Variants in COPS4 observed in about 807,000 individuals in gnomAD.
The protein encoded by COPS4 is COP9 signalosome subunit 4.
A neutral mutation model predicts 55.1 loss-of-function variants in COPS4; 8 were observed. The ratio of observed to expected loss-of-function variants is 0.15; its 90% CI spans 0.09 to 0.26. The LOEUF (loss-of-function observed/expected upper bound fraction) is 0.26, where lower values mean the gene tolerates loss of function less well. COPS4 is among the 10% of genes least tolerant of loss of function. The probability of loss-of-function intolerance (pLI) is 1.00; values close to 1 mark genes in which losing one functional copy is unlikely to be tolerated. For synonymous variants in COPS4, 185 were observed against 165.7 expected (o/e 1.12, Z -0.90); for missense variants, 248 against 484.0 (o/e 0.51, Z 4.58).
intron 1 of COPS4, among the ~76,000 whole-genome samples, chr4:83,043,954 T>C (rs546803786): frequency 2.0e-5 from 3 of 152,284 alleles, no homozygotes; most frequent in South Asian, 2.1e-4. Flanking sequence ...ATAACCAAGG[T>C]TGTGAGAATT....
intron 1 of COPS4, among the ~76,000 whole-genome samples, chr4:83,036,210 G>A (rs1269759517): frequency 3.4e-5 from 5 of 148,386 alleles, no homozygotes; most frequent in African/African-American, 1.3e-4. Context: ...TGAGAGGGAG[G>A]ATCACTTGAG....
At chr4:83,061,029 T>G (rs187222714) in intron 6 of COPS4, among the ~76,000 whole-genome samples, 4 of 150,108 alleles carry the variant, frequency 2.7e-5, no homozygotes, top group Non-Finnish European at 5.9e-5. Context: ...AGTGAAACTC[T>G]GTCTCAAAAA....
chr4:83,074,649 C>CT (rs907335858), intron 9 of COPS4, among the ~76,000 whole-genome samples: 77 of 135,620 alleles, frequency 5.7e-4, no homozygotes, highest in East Asian at 1.1e-3. Flanking sequence ...TTTTACTTTT[C>CT]TTTTTTTTTT....
chr4:83,049,137 T>G, intron 2 of COPS4, 29 bp from the exon 3 acceptor site: 1 of 1,571,998 alleles, frequency 6.4e-7, no homozygotes, highest in Non-Finnish European at 8.6e-7. Flanking sequence ...AGCTCATGTT[T>G]TCTTATCTTT....
intron 6 of COPS4, among the ~76,000 whole-genome samples, chr4:83,062,086 G>A (rs192769733): frequency 2.8e-4 from 43 of 152,168 alleles, no homozygotes; most frequent in Non-Finnish European, 4.0e-4. Flanking sequence ...AAAGAAAACC[G>A]TTGTTGATAG....
chr4:83,056,625 C>A (rs1357028970), intron 4 of COPS4, among the ~76,000 whole-genome samples: 3 of 152,046 alleles, frequency 2.0e-5, no homozygotes, highest in Non-Finnish European at 4.4e-5. Flanking sequence ...GATGAAACCC[C>A]GTCTCTACTA....
chr4:83,052,987 A>G (rs944621369), intron 4 of COPS4, among the ~76,000 whole-genome samples: 1 of 152,228 alleles, frequency 6.6e-6, no homozygotes, highest in Non-Finnish European at 1.5e-5. Context: ...TGTGAGAAGT[A>G]ATCCCCTTAG....
chr4:83,072,406 A>G (rs534330983), intron 9 of COPS4, among the ~76,000 whole-genome samples: 6 of 152,168 alleles, frequency 3.9e-5, no homozygotes, highest in African/African-American at 1.4e-4. Context: ...CACCCGGCCG[A>G]ATTCTGTCAG....
At chr4:83,071,566 G>T (rs1228091578) in intron 9 of COPS4, among the ~76,000 whole-genome samples, 1 of 152,096 alleles carries the variant, frequency 6.6e-6, no homozygotes, top group Non-Finnish European at 1.5e-5. Flanking sequence ...AGGACTACAG[G>T]TGTACACACC....
intron 4 of COPS4, among the ~76,000 whole-genome samples, chr4:83,052,180 C>A (rs1469909451): frequency 2.0e-5 from 3 of 151,760 alleles, no homozygotes; most frequent in Non-Finnish European, 4.4e-5. Flanking sequence ...GGGGAGTTTT[C>A]AAAAAAGGTA....
intron 1 of COPS4, among the ~76,000 whole-genome samples, chr4:83,040,525 C>G (rs1383148265): frequency 2.0e-5 from 3 of 152,180 alleles, no homozygotes; most frequent in Non-Finnish European, 2.9e-5. Context: ...TTGTGCAGCT[C>G]TATTAGTCTG....
rs757511849 is a variant in COPS4, at chr4:83,057,311, A to G, written c.618A>G (p.Gln206=). 2 of 1,613,050 alleles carry G rather than the reference A, an allele frequency of 1.2e-6. No homozygotes were observed. The highest frequency in any genetic ancestry group is 1.1e-5 in the South Asian group (1 of 90,862). ...DYRRKFIEAA[Q]RYNELSYKTI... is the part of the protein sequence containing the mutation. Reference sequence around the variant, plus strand: ...GAAGAAAATTCATTGAAGCTGCACAAAGGTACAATGAGCTCTCTTACAAGA... The same window carrying G: ...GAAGAAAATTCATTGAAGCTGCACAGAGGTACAATGAGCTCTCTTACAAGA... Residue 206 remains glutamine, a synonymous_variant, in exon 6 of 10, where the codon CAA becomes CAG. Transcript: ENST00000264389.
intron 4 of COPS4, 35 bp from the exon 5 acceptor site, chr4:83,056,891 G>A (rs1358938303): frequency 2.6e-6 from 4 of 1,515,522 alleles, no homozygotes; most frequent in African/African-American, 1.4e-5. Context: ...TTGACAAAAT[G>A]TTGAGTCATT....
chr4:83,037,529 G>T (rs990172727), intron 1 of COPS4, among the ~76,000 whole-genome samples: 2 of 152,254 alleles, frequency 1.3e-5, no homozygotes, highest in Middle Eastern at 3.4e-3. Flanking sequence ...GAAAAGTCTT[G>T]GCCTTGCCTG....
At chr4:83,066,155 A>G (rs1404884915) in intron 7 of COPS4, among the ~76,000 whole-genome samples, 1 of 152,248 alleles carries the variant, frequency 6.6e-6, no homozygotes, top group African/African-American at 2.4e-5. Flanking sequence ...CTGTCTCAAA[A>G]AAAAAAGTTA....
chr4:83,064,947 A>G (rs1372613284), intron 7 of COPS4: 2 of 196,310 alleles, frequency 1.0e-5, no homozygotes, highest in Non-Finnish European at 1.9e-5. Flanking sequence ...TGGCGCTGGC[A>G]TGATGCCATA....
intron 6 of COPS4, among the ~76,000 whole-genome samples, chr4:83,058,043 GATGAA>G (rs1447538242): frequency 6.7e-6 from 1 of 150,200 alleles, no homozygotes; most frequent in Non-Finnish European, 1.5e-5. Context: ...TCTATAGATT[GATGAA>G]ATGATAATTA....
chr4:83,035,373 CACGGCT>C (rs1450092646), intron 1 of COPS4, 75 bp downstream of exon 1: 24 of 1,260,740 alleles, frequency 1.9e-5, no homozygotes, highest in Admixed American at 4.3e-5. Flanking sequence ...TTAGGTTGGC[CACGGCT>C]CTTGGGCGTG....
In COPS4 at chr4:83,050,063, G is replaced by T. The variant is rs906593107; in HGVS notation, c.410+79G>T. The T allele has an allele frequency of 1.9e-5, 16 of 822,122 alleles. No individual in the cohort carries two copies. The African/African-American group carries it at 2.5e-4, about 13-fold the overall frequency. The allele number at this position is 822,122 out of a possible 1,614,324, so 50.9% of individuals were successfully genotyped here. A position where few individuals can be genotyped will look rare whatever the true frequency, so the allele number is the denominator to read the frequency against. On this transcript the variant is annotated intron_variant, in intron 4 of 9. Coordinates refer to ENST00000264389, the MANE Select transcript of COPS4 (RefSeq NM_016129.3). ...CACTTATATTTTTTCTTACATTCTA[G>T]TACAGGAAACAGATAAACAAATAAA... is the stretch of plus-strand genomic sequence containing the variant.
Sources: allele counts gnomAD v4.1 joint callset (sites outside exome capture counted in the v4.1 genomes callset), GRCh38; gene constraint gnomAD v4.1.1; transcripts MANE v1.5; gene names NCBI Gene and HGNC (gene_info 2026-07-23, HGNC 2026-07-21).